ABCC9: variants seen among roughly 807,000 people sequenced by gnomAD.
ABCC9 encodes ATP binding cassette subfamily C member 9, also known as ATP-binding cassette sub-family C member 9.
In ABCC9, 95 loss-of-function variants were observed where a neutral mutation model predicts 188.3. The observed-to-expected ratio is 0.50, with a 90% CI of 0.43 to 0.60. The LOEUF (loss-of-function observed/expected upper bound fraction) is 0.60, where lower values mean the gene tolerates loss of function less well. Among genes scored for constraint, ABCC9 ranks in the 20% least tolerant of loss-of-function variants. The pLI is 0.00. For missense variants in ABCC9, 1,102 were observed against 1,876.3 expected, an observed-to-expected ratio of 0.59 and a Z score of 7.62; for synonymous variants, 659 against 652.7, an observed-to-expected ratio of 1.01 and a Z score of -0.15.
chr12:21,801,546 T>C (rs1355404517), intron 39 of ABCC9, among the ~76,000 whole-genome samples: 2 of 152,188 alleles, frequency 1.3e-5, no homozygotes, highest in Non-Finnish European at 2.9e-5. Flanking sequence ...CAACAATAAT[T>C]ATCTCTTGTG....
chr12:21,817,572 T>G (rs140217417), intron 32 of ABCC9, among the ~76,000 whole-genome samples: 6 of 152,298 alleles, frequency 3.9e-5, no homozygotes, highest in African/African-American at 1.4e-4. Flanking sequence ...GGTATACTCT[T>G]CTGTTTGCAC....
intron 14 of ABCC9, among the ~76,000 whole-genome samples, chr12:21,893,348 T>A (rs1947260342): frequency 6.6e-6 from 1 of 152,204 alleles, no homozygotes; most frequent in Non-Finnish European, 1.5e-5. Flanking sequence ...AAGCCTGGAT[T>A]TTTTTCCAGA....
In ABCC9 at chr12:21,913,031, A is replaced by G. The variant is rs113562970; in HGVS notation, c.852T>C (p.Ser284=). The part of the protein sequence containing the change: ...KVADHPNRTP[S]IWLAMYRAFG... ...AAGCTCTGTACATTGCAAGCCATATAGATGGAGTCCGATTTGGATGATCTG... is the reference window on the plus strand; with the variant it reads ...AAGCTCTGTACATTGCAAGCCATATGGATGGAGTCCGATTTGGATGATCTG... Residue 284 remains serine (S), a synonymous_variant, in exon 8 of 40, where the codon TCT becomes TCC. Transcript: ENST00000261200. 7 of 1,607,700 alleles carry G rather than the reference A, an allele frequency of 4.4e-6. No individual in the cohort carries two copies. The highest frequency in any genetic ancestry group is 5.9e-6 in the Non-Finnish European group (7 of 1,178,258).
intron 14 of ABCC9, among the ~76,000 whole-genome samples, chr12:21,892,094 C>T (rs1442492759): frequency 6.6e-6 from 1 of 152,160 alleles, no homozygotes; most frequent in Non-Finnish European, 1.5e-5. Context: ...TGGAACTGAG[C>T]CCTGAAGAAA....
rs141242014 is a variant in ABCC9, at chr12:21,850,259, C to T, written c.2769+1838G>A. On this transcript the variant is annotated intron_variant, in intron 24 of 39. Transcript: ENST00000261200. ...AAAATTGGCCCAGGTTGATAGGAAA[C>T]ACCCTGTCCTGTCCCATAACAAAGT... is the stretch of plus-strand genomic sequence containing the variant. Among the ~76,000 whole-genome samples the T allele has an allele frequency of 3.3e-3, 502 of 151,928 alleles. 4 individuals carry two copies. The highest frequency in any genetic ancestry group is 9.0e-3 in the African/African-American group (371 of 41,426).
intron 14 of ABCC9, 133 bp downstream of exon 14, chr12:21,893,899 A>G: frequency 4.3e-6 from 4 of 932,412 alleles, no homozygotes; most frequent in Non-Finnish European, 6.3e-6. Context: ...AAAGTAGCAT[A>G]CCACAATTTT....
intron 16 of ABCC9, among the ~76,000 whole-genome samples, chr12:21,879,208 T>C (rs1007569084): frequency 6.6e-6 from 1 of 152,176 alleles, no homozygotes; most frequent in African/African-American, 2.4e-5. Context: ...TACAAAGATA[T>C]GGGCATGCCT....
At chr12:21,875,800 G>A in intron 16 of ABCC9, 74 bp from the exon 17 acceptor site, 2 of 1,298,288 alleles carry the variant, frequency 1.5e-6, no homozygotes, top group Non-Finnish European at 2.2e-6. Flanking sequence ...ATAATAATTT[G>A]TAGGCCAGGC....
In ABCC9 at chr12:21,801,257, A is replaced by G. The variant is rs1941412882; in HGVS notation, c.4513-76T>C. Reference sequence around the variant, plus strand: ...CAAAACAATGGAATATGTATATTTCATGAATTATTCTGGGACATTTGTTTA... The same window carrying G: ...CAAAACAATGGAATATGTATATTTCGTGAATTATTCTGGGACATTTGTTTA... On this transcript the variant is annotated intron_variant, in intron 39 of 39. Coordinates refer to ENST00000261200, the MANE Select transcript of ABCC9 (RefSeq NM_020297.4). 1.9e-6 allele frequency: 3 copies of G among 1,582,202 alleles called. No individual in the cohort carries two copies. The African/African-American group carries it at 4.0e-5, about 21-fold the overall frequency.
intron 20 of ABCC9, among the ~76,000 whole-genome samples, chr12:21,861,481 C>T (rs1165277891): frequency 6.6e-6 from 1 of 152,144 alleles, no homozygotes; most frequent in Non-Finnish European, 1.5e-5. Flanking sequence ...ATCAGCCTGC[C>T]TCAGCCTCCC....
chr12:21,902,854 C>T (rs1221040902), intron 12 of ABCC9, among the ~76,000 whole-genome samples: 2 of 152,118 alleles, frequency 1.3e-5, no homozygotes, highest in Non-Finnish European at 2.9e-5. Context: ...CTGAATTCTA[C>T]CAGAGGTACA....
chr12:21,818,772 G>A (rs1942846911), intron 31 of ABCC9, among the ~76,000 whole-genome samples: 1 of 150,042 alleles, frequency 6.7e-6, no homozygotes, highest in African/African-American at 2.5e-5. Context: ...GCTCCTTTGT[G>A]TTGTGTAGTG....
Position 21,814,669 on chromosome 12 carries a change from G to A in ABCC9, c.4077C>T (p.Phe1359=). The A allele has an allele frequency of 6.2e-7, 1 of 1,613,944 alleles. No homozygotes were observed. Residue 1359 remains phenylalanine, a synonymous_variant, in exon 35 of 40, where the codon TTC becomes TTT. Coordinates refer to ENST00000261200, the MANE Select transcript of ABCC9 (RefSeq NM_020297.4). ...CATCAAATATATCAACCATTCTGAAGAAAGCCAGAGATAACGATGATTTCC... is the reference window on the plus strand; with the variant it reads ...CATCAAATATATCAACCATTCTGAAAAAAGCCAGAGATAACGATGATTTCC... ...GSGKSSLSLA[F]FRMVDIFDGK... is the part of the protein sequence containing the mutation.
intron 10 of ABCC9, among the ~76,000 whole-genome samples, chr12:21,908,908 C>G (rs1948178652): frequency 6.6e-6 from 1 of 151,856 alleles, no homozygotes; most frequent in Admixed American, 6.6e-5. Context: ...CAGAATTTAC[C>G]CCTGCTATCC....
In ABCC9 at chr12:21,863,021, T is replaced by C. The variant is rs756598798; in HGVS notation, c.2271A>G (p.Gln757=). 1.9e-5 allele frequency: 31 copies of C among 1,612,962 alleles called. No individual in the cohort carries two copies. The South Asian group carries it at 3.4e-4, about 18-fold the overall frequency. The change falls in exon 20 of 40, where the codon CAA becomes CAG. Residue 757 remains glutamine (Q), a synonymous_variant. Coordinates refer to ENST00000261200, the MANE Select transcript of ABCC9 (RefSeq NM_020297.4). ...RNRYSVAYAA[Q]KPWLLNATVE... is the part of the protein sequence containing the mutation. ...CTGTAGCATTTAATAGCCAAGGCTT[T>C]TGAGCTGCATATGCCACAGAGTACC...
chr12:21,915,514 A>ATATATATATTTTTTTTTTTT lies in ABCC9; in HGVS notation c.816+153_816+154insAAAAAAAAAAAATATATATA. On this transcript the variant is annotated intron_variant, in intron 7 of 39. Coordinates refer to ENST00000261200, the MANE Select transcript of ABCC9 (RefSeq NM_020297.4). ...TGTGTGTGTGTGTATATATATATATATTTTTTTTTTTTTTTTGAGACAGAG... is the reference window on the plus strand; with the variant it reads ...TGTGTGTGTGTGTATATATATATATATATATATATTTTTTTTTTTTTTTTTTTTTTTTTTTTGAGACAGAG... Among the ~76,000 whole-genome samples the ATATATATATTTTTTTTTTTT allele has an allele frequency of 2.8e-3, 10 of 3,522 alleles. 3 individuals carry two copies. The highest frequency in any genetic ancestry group is 4.2e-3 in the Non-Finnish European group (9 of 2,144). The allele number at this position is 3,522 out of a possible 152,430, so 2.3% of individuals were successfully genotyped here.
At chr12:21,835,407 G>A (rs1442838431) in intron 30 of ABCC9, among the ~76,000 whole-genome samples, 1 of 152,138 alleles carries the variant, frequency 6.6e-6, no homozygotes. Flanking sequence ...AGTTTAGGAT[G>A]CAACTTAACA....
At chr12:21,807,524 T>C (rs149006200) in intron 37 of ABCC9, 45 bp from the exon 38 acceptor site, 13 of 1,612,616 alleles carry the variant, frequency 8.1e-6, no homozygotes, top group Non-Finnish European at 1.0e-5. Context: ...GAAATGCTAC[T>C]AACATTTACC....
At position 21,817,115 on chromosome 12, in the gene ABCC9, A is replaced by G. The variant is rs546756971; in HGVS notation, c.3892+72T>C. On this transcript the variant is annotated intron_variant, in intron 33 of 39. Transcript: ENST00000261200. Reference sequence around the variant, plus strand: ...GTGGAAAGCAAAAGCAGAAACAACAATGTGCCCAACAAACACTAATATTTG... The same window carrying G: ...GTGGAAAGCAAAAGCAGAAACAACAGTGTGCCCAACAAACACTAATATTTG... 1.0e-4 allele frequency: 158 copies of G among 1,533,444 alleles called. 3 individuals carry two copies. In the East Asian group the frequency reaches 2.9e-3, roughly 28 times the overall value. 95.0% of individuals were successfully genotyped at this position (1,533,444 alleles called of 1,614,324 possible).
Sources: gnomAD v4.1 joint callset for allele counts (sites outside exome capture counted in the v4.1 genomes callset) on GRCh38, gnomAD v4.1.1 for gene constraint, MANE v1.5 for transcripts, NCBI Gene and HGNC (gene_info 2026-07-23, HGNC 2026-07-21) for gene names.